SYT6: variants seen among roughly 807,000 people sequenced by gnomAD.
SYT6 encodes the protein synaptotagmin-6.
In SYT6, 24 loss-of-function variants were observed where a neutral mutation model predicts 38.4. The observed-to-expected ratio is 0.62, with a 90% CI of 0.45 to 0.88. The LOEUF is 0.88. Among genes scored for constraint, SYT6 ranks in the 40% least tolerant of loss-of-function variants. SYT6 has a pLI of 0.00. For synonymous variants in SYT6, 265 were observed against 241.9 expected, an observed-to-expected ratio of 1.10 and a Z score of -0.89; for missense variants, 611 against 621.0, an observed-to-expected ratio of 0.98 and a Z score of 0.17.
At chr1:114,119,199 C>G (rs1040204880) in intron 3 of SYT6, among the ~76,000 whole-genome samples, 6 of 152,208 alleles carry the variant, frequency 3.9e-5, no homozygotes, top group African/African-American at 1.4e-4. Flanking sequence ...TATCAGAAAA[C>G]AGAGGCTTGG....
intron 3 of SYT6, among the ~76,000 whole-genome samples, chr1:114,129,020 T>C (rs1488160084): frequency 1.3e-5 from 2 of 152,198 alleles, no homozygotes; most frequent in Admixed American, 6.5e-5. Context: ...CACTTGGATG[T>C]CCAAAAGGTA....
At chr1:114,092,970 A>G (rs1357786519) in intron 7 of SYT6, among the ~76,000 whole-genome samples, 2 of 152,180 alleles carry the variant, frequency 1.3e-5, no homozygotes, top group Non-Finnish European at 2.9e-5. Context: ...GAGACCCAGT[A>G]CTGTCCTGGG....
intron 6 of SYT6, among the ~76,000 whole-genome samples, chr1:114,096,473 G>C (rs1675648341): frequency 6.6e-6 from 1 of 152,202 alleles, no homozygotes; most frequent in Non-Finnish European, 1.5e-5. Flanking sequence ...TGCCTGTCTA[G>C]GGAGGTGATT....
chr1:114,145,527 A>T (rs1929014), intron 1 of SYT6, among the ~76,000 whole-genome samples: 520 of 44,802 alleles, frequency 0.012, 5 homozygotes, highest in African/African-American at 0.049. Context: ...TTTTTTTTTT[A>T]ACCTGTTATG....
chr1:114,138,093 G>T lies in SYT6; in HGVS notation c.513-40C>A, dbSNP rs750740989. On this transcript the variant is annotated intron_variant, in intron 2 of 7. Coordinates refer to ENST00000610222, the MANE Select transcript of SYT6 (RefSeq NM_001253772.2). ...GAGGGGGCAGAGGGAGTGTGGTCAG[G>T]GCTCAGGGGAAGGGGGATGAAGGCA... The T allele has an allele frequency of 2.5e-6, 4 of 1,576,246 alleles. No homozygotes were observed. The Admixed American group carries it at 5.3e-5, about 21-fold the overall frequency.
At chr1:114,136,538 A>C (rs1432974410) in intron 3 of SYT6, among the ~76,000 whole-genome samples, 1 of 152,176 alleles carries the variant, frequency 6.6e-6, no homozygotes, top group African/African-American at 2.4e-5. Flanking sequence ...GCGAAGGGCT[A>C]TGCCAGACCG....
intron 1 of SYT6, among the ~76,000 whole-genome samples, chr1:114,142,657 A>C (rs1465653017): frequency 6.6e-6 from 1 of 152,176 alleles, no homozygotes; most frequent in African/African-American, 2.4e-5. Flanking sequence ...CTTTAGTGAA[A>C]GGAAAAGTCC....
chr1:114,111,068 C>G lies in SYT6; in HGVS notation c.1072-7347G>C, dbSNP rs186299649. The stretch of plus-strand genomic sequence containing the variant: ...TACCTTCAACACCTCGGGCTCCCTC[C>G]TTGGAACTTTTAGGAGTCGGCATGA... On this transcript the variant is annotated intron_variant, in intron 3 of 7. Coordinates refer to ENST00000610222, the MANE Select transcript of SYT6 (RefSeq NM_001253772.2). Among the ~76,000 whole-genome samples, 42 of 152,260 alleles carry G rather than the reference C, an allele frequency of 2.8e-4. No homozygotes were observed. In the East Asian group the frequency reaches 7.5e-3, roughly 27 times the overall value.
chr1:114,130,042 G>A (rs1678056742), intron 3 of SYT6, among the ~76,000 whole-genome samples: 1 of 151,794 alleles, frequency 6.6e-6, no homozygotes, highest in Non-Finnish European at 1.5e-5. Flanking sequence ...TTTTCTCTCT[G>A]CCTGGACCTC....
chr1:114,130,720 C>T (rs1274873976), intron 3 of SYT6, among the ~76,000 whole-genome samples: 1 of 152,202 alleles, frequency 6.6e-6, no homozygotes. Context: ...CCCTTCAATA[C>T]CCAGTTAGTT....
At chr1:114,145,526 TA>T (rs760143183) in intron 1 of SYT6, among the ~76,000 whole-genome samples, 4,495 of 54,004 alleles carry the variant, frequency 0.083, 127 homozygotes, top group South Asian at 0.23. Context: ...TTTTTTTTTT[TA>T]ACCTGTTATG....
At chr1:114,135,617 C>T (rs1277099266) in intron 3 of SYT6, among the ~76,000 whole-genome samples, 1 of 152,122 alleles carries the variant, frequency 6.6e-6, no homozygotes, top group Non-Finnish European at 1.5e-5. Context: ...AGGACAGCCA[C>T]GGGGTTCTTG....
At chr1:114,097,923 T>A (rs756586088) in intron 5 of SYT6, 46 bp from the exon 6 acceptor site, 25 of 1,605,516 alleles carry the variant, frequency 1.6e-5, no homozygotes, top group Non-Finnish European at 2.0e-5. Context: ...AGACATGCCC[T>A]CAGAAAAGGA....
intron 3 of SYT6, among the ~76,000 whole-genome samples, chr1:114,116,569 C>T (rs183237100): frequency 2.6e-4 from 40 of 152,326 alleles, no homozygotes; most frequent in African/African-American, 8.4e-4. Context: ...GTGATCTCTA[C>T]AGGCTTCTTG....
chr1:114,130,647 T>A (rs1050449460), intron 3 of SYT6, among the ~76,000 whole-genome samples: 1 of 152,220 alleles, frequency 6.6e-6, no homozygotes, highest in African/African-American at 2.4e-5. Flanking sequence ...TTTCATTAGC[T>A]TTTTACTTGC....
At chr1:114,139,584 G>A (rs375406228) in intron 2 of SYT6, 31 bp downstream of exon 2, 20 of 1,612,982 alleles carry the variant, frequency 1.2e-5, no homozygotes, top group Non-Finnish European at 1.7e-5. Context: ...GGAGGTGTGG[G>A]GGTCAGGGAA....
At chr1:114,115,666 C>A (rs147145395) in intron 3 of SYT6, among the ~76,000 whole-genome samples, 47 of 152,258 alleles carry the variant, frequency 3.1e-4, no homozygotes, top group Admixed American at 2.6e-4. Context: ...CTGCCCGCCT[C>A]GGCCTCCCTA....
chr1:114,117,392 C>G (rs886982249), intron 3 of SYT6, among the ~76,000 whole-genome samples: 6 of 152,242 alleles, frequency 3.9e-5, no homozygotes, highest in African/African-American at 1.4e-4. Context: ...ACTAAGCCCA[C>G]TGGGTGTGCA....
At chr1:114,105,948 C>T (rs1272070681) in intron 3 of SYT6, among the ~76,000 whole-genome samples, 3 of 152,152 alleles carry the variant, frequency 2.0e-5, no homozygotes, top group Non-Finnish European at 2.9e-5. Context: ...AGTATGCAGT[C>T]CCCACCCTCG....
Sources: gnomAD v4.1 joint callset for allele counts (sites outside exome capture counted in the v4.1 genomes callset) on GRCh38, gnomAD v4.1.1 for gene constraint, MANE v1.5 for transcripts, NCBI Gene and HGNC (gene_info 2026-07-23, HGNC 2026-07-21) for gene names.